Variants in GAA observed in about 807,000 individuals in gnomAD.
GAA encodes lysosomal alpha-glucosidase.
In GAA, 88 loss-of-function variants were observed where a neutral mutation model predicts 103.9. The ratio of observed to expected loss-of-function variants is 0.85; its 90% CI spans 0.71 to 1.01. The LOEUF (loss-of-function observed/expected upper bound fraction) is 1.01. GAA is among the 50% of genes least tolerant of loss of function. The pLI is 0.00. For synonymous variants in GAA, 572 were observed against 563.1 expected (o/e 1.02, Z -0.22); for missense variants, 1,350 against 1,305.3 (o/e 1.03, Z -0.53).
At position 80,107,808 on chromosome 17, in the gene GAA, G is replaced by A. The variant is rs534515557; in HGVS notation, c.867G>A (p.Ala289=). ...WNRDLAPTPG[A]NLYGSHPFYL... ...TCTCCTGCATGTCCCAGCCCGGTGC[G>A]AACCTCTACGGGTCTCACCCTTTCT... The change falls in exon 5 of 20, where the codon GCG becomes GCA. Residue 289 remains alanine, a synonymous_variant. Transcript: ENST00000302262. 55 of 1,611,580 alleles carry A rather than the reference G, an allele frequency of 3.4e-5. No individual in the cohort carries two copies. Among genetic ancestry groups the A allele is most frequent in the South Asian group, 7.7e-5 (7 of 90,942 alleles).
At chr17:80,105,662 A>G in intron 2 of GAA, 87 bp from the exon 3 acceptor site, 2 of 1,505,348 alleles carry the variant, frequency 1.3e-6, no homozygotes, top group East Asian at 2.3e-5. Flanking sequence ...TGGCTGCACC[A>G]GGACCTGACC....
Position 80,105,044 on chromosome 17 carries a change from C to A in GAA, c.458C>A (p.Thr153Asn). The A allele has an allele frequency of 6.2e-7, 1 of 1,612,960 alleles. No individual in the cohort carries two copies. The highest frequency in any genetic ancestry group is 1.1e-5 in the South Asian group (1 of 91,086). ...SSEMGYTATL[T>N]RTTPTFFPKD... is the part of the protein sequence containing the mutation. ...GAAATGGGCTACACGGCCACCCTGA[C>A]CCGTACCACCCCCACCTTCTTCCCC... The change falls in exon 2 of 20, where the codon ACC (threonine) becomes AAC (asparagine). Residue 153 changes from threonine (T) to asparagine (N), a missense_variant. By Grantham distance (65) the Thr-to-Asn change is moderately conservative (BLOSUM62 0). Coordinates refer to ENST00000302262, the MANE Select transcript of GAA (RefSeq NM_000152.5).
At chr17:80,111,935 A>G (rs759787900) in intron 11 of GAA, 48 bp from the exon 12 acceptor site, 4 of 1,535,450 alleles carry the variant, frequency 2.6e-6, no homozygotes, top group Middle Eastern at 3.4e-4. Context: ...GGCACCTTGG[A>G]GCCTGCCGGG....
At chr17:80,112,360 CCT>C in intron 12 of GAA, 1 of 658,032 alleles carries the variant, frequency 1.5e-6, no homozygotes, top group East Asian at 2.7e-5. Flanking sequence ...CCTCATGACT[CCT>C]GTGAGGCTGG....
intron 8 of GAA, among the ~76,000 whole-genome samples, chr17:80,109,425 G>A (rs914185418): frequency 6.6e-6 from 1 of 152,228 alleles, no homozygotes; most frequent in Non-Finnish European, 1.5e-5. Context: ...CCCGAGTCTG[G>A]TGTCCGGCAC....
Position 80,108,627 on chromosome 17 carries a change from G to A in GAA, c.1194+20G>A, listed in dbSNP as rs764197248. On this transcript the variant is annotated intron_variant, in intron 7 of 19. Transcript: ENST00000302262. ...CCCCTGGTGAGTTGGGGTGGTGGCA[G>A]GGGAGGCAAGGGGCTGGCCGGGACG... 3.7e-6 allele frequency: 6 copies of A among 1,612,600 alleles called. No individual in the cohort carries two copies. The highest frequency in any genetic ancestry group is 5.1e-6 in the Non-Finnish European group (6 of 1,179,904).
At chr17:80,116,376 G>A (rs995271474) in intron 15 of GAA, among the ~76,000 whole-genome samples, 7 of 152,136 alleles carry the variant, frequency 4.6e-5, no homozygotes, top group African/African-American at 1.7e-4. Flanking sequence ...AGGCATGAAC[G>A]CTCCATGAAT....
chr17:80,104,226 A>G lies in GAA; in HGVS notation c.-32-329A>G, dbSNP rs948049926. On this transcript the variant is annotated intron_variant, in intron 1 of 19. Coordinates refer to ENST00000302262, the MANE Select transcript of GAA (RefSeq NM_000152.5). This position sits in a 1 kb window ranked among gnomAD's most constrained non-coding sequence, Gnocchi z 4.0. ...TTGCAGTGAGCCAGGATCTCACCAC[A>G]GCACTCTGGCCCAGGCGACAGCTGT... Among the ~76,000 whole-genome samples, 1 of 152,170 alleles carries G rather than the reference A, an allele frequency of 6.6e-6. No individual in the cohort carries two copies. The highest frequency in any genetic ancestry group is 2.4e-5 in the African/African-American group (1 of 41,428).
rs377249041 is a variant in GAA, at chr17:80,118,677, C to T, written c.2671C>T (p.Arg891Cys). 7.9e-5 allele frequency: 128 copies of T among 1,612,824 alleles called. No individual in the cohort carries two copies. Among genetic ancestry groups the T allele is most frequent in the Middle Eastern group, 3.3e-4 (2 of 6,062 alleles). The change falls in exon 19 of 20, where the codon CGT becomes TGT. Residue 891 changes from arginine to cysteine, a missense_variant. Coordinates refer to ENST00000302262, the MANE Select transcript of GAA (RefSeq NM_000152.5). ...RNNTIVNELVRVTSEGAGLQL... is the reference protein window; with the variant it reads ...RNNTIVNELVCVTSEGAGLQL... ...GAACACGATCGTGAATGAGCTGGTACGTGTGACCAGTGAGGGAGCTGGCCT... is the reference window on the plus strand; with the variant it reads ...GAACACGATCGTGAATGAGCTGGTATGTGTGACCAGTGAGGGAGCTGGCCT...
In GAA at chr17:80,118,678, G is replaced by T. The variant is rs199524847; in HGVS notation, c.2672G>T (p.Arg891Leu). Residue 891 changes from arginine to leucine, a missense_variant, in exon 19 of 20, where the codon CGT (arginine) becomes CTT (leucine). Transcript: ENST00000302262. Reference sequence around the variant, plus strand: ...AACACGATCGTGAATGAGCTGGTACGTGTGACCAGTGAGGGAGCTGGCCTG... The same window carrying T: ...AACACGATCGTGAATGAGCTGGTACTTGTGACCAGTGAGGGAGCTGGCCTG... ...RNNTIVNELV[R>L]VTSEGAGLQL... 6.2e-7 allele frequency: 1 copy of T among 1,612,812 alleles called. No individual in the cohort carries two copies. Among genetic ancestry groups the T allele is most frequent in the Middle Eastern group, 1.7e-4 (1 of 6,060 alleles).
Position 80,109,990 on chromosome 17 carries a change from T to C in GAA, c.1372T>C (p.Tyr458His), listed in dbSNP as rs1567832012. ...SSGPAGSYRP[Y>H]DEGLRRGVFI... is the part of the protein sequence containing the mutation. ...GGGCCCTGCCGGGAGCTACAGGCCC[T>C]ACGACGAGGGTCTGCGGAGGGGGGT... The change falls in exon 9 of 20, where the codon TAC becomes CAC. Residue 458 changes from tyrosine to histidine, a missense_variant. Transcript: ENST00000302262. 6.2e-7 allele frequency: 1 copy of C among 1,613,298 alleles called. No individual in the cohort carries two copies. Among genetic ancestry groups the C allele is most frequent in the Admixed American group, 1.7e-5 (1 of 60,016 alleles).
At chr17:80,107,744 G>GGCGGGC (rs2143848303) in intron 4 of GAA, 22 bp downstream of exon 4, 1 of 1,610,206 alleles carries the variant, frequency 6.2e-7, no homozygotes, top group East Asian at 2.2e-5. Context: ...GGCGGCGGGC[G>GGCGGGC]GGGGCACTGA....
Position 80,104,837 on chromosome 17 carries a change from T to G in GAA, c.251T>G (p.Val84Gly), listed in dbSNP as rs1567825763. 6.2e-7 allele frequency: 1 copy of G among 1,611,670 alleles called. No individual in the cohort carries two copies. Among genetic ancestry groups the G allele is most frequent in the Non-Finnish European group, 8.5e-7 (1 of 1,179,664 alleles). Residue 84 changes from valine (V) to glycine (G), a missense_variant, in exon 2 of 20, where the codon GTC (valine) becomes GGC (glycine). By Grantham distance (109) the Val-to-Gly change is moderately radical. Transcript: ENST00000302262. The surrounding 1 kb of genome is among the most constrained non-coding windows in gnomAD (Gnocchi z 4.0). ...AGAGCAGTGCCCACACAGTGCGACG[T>G]CCCCCCCAACAGCCGCTTCGATTGC... ...RPRAVPTQCDVPPNSRFDCAP... is the reference protein window; with the variant it reads ...RPRAVPTQCDGPPNSRFDCAP...
At position 80,104,489 on chromosome 17, in the gene GAA, G is replaced by T. The variant is rs78686444; in HGVS notation, c.-32-66G>T. 6.5e-5 allele frequency: 79 copies of T among 1,220,620 alleles called. No individual in the cohort carries two copies. In the East Asian group the frequency reaches 1.9e-3, roughly 29 times the overall value. 75.6% of individuals were successfully genotyped at this position (1,220,620 alleles called of 1,614,324 possible). On this transcript the variant is annotated intron_variant, in intron 1 of 19. Coordinates refer to ENST00000302262, the MANE Select transcript of GAA (RefSeq NM_000152.5). The surrounding 1 kb of genome is among the most constrained non-coding windows in gnomAD (Gnocchi z 4.0). ...CAGCCGCGGTTGATGTCTCAGAGCT[G>T]CTTTGAGAGCCCCGTGAGTGCCGCC... is the stretch of plus-strand genomic sequence containing the variant.
At position 80,104,910 on chromosome 17, in the gene GAA, T is replaced by C. The variant is rs1800300; in HGVS notation, c.324T>C (p.Cys108=). The stretch of plus-strand genomic sequence containing the variant: ...AGGAACAGTGCGAGGCCCGCGGCTG[T>C]TGCTACATCCCTGCAAAGCAGGGGC... ...ITQEQCEARG[C]CYIPAKQGLQ... The change falls in exon 2 of 20, where the codon TGT becomes TGC. Residue 108 remains cysteine (C), a synonymous_variant. Transcript: ENST00000302262. The surrounding 1 kb of genome is among the most constrained non-coding windows in gnomAD (Gnocchi z 4.0). 0.74 allele frequency: 1,193,991 copies of C among 1,611,816 alleles called. 444,341 individuals are homozygous for C. Among genetic ancestry groups the C allele is most frequent in the Middle Eastern group, 0.82 (4,978 of 6,060 alleles).
In GAA at chr17:80,112,599, G is replaced by C. The variant is rs1317655623; in HGVS notation, c.1776G>C (p.Gly592=). The C allele has an allele frequency of 6.2e-7, 1 of 1,613,006 alleles. No homozygotes were observed. Among genetic ancestry groups the C allele is most frequent in the South Asian group, 1.1e-5 (1 of 91,082 alleles). ...ASHRALVKAR[G]TRPFVISRST... Reference sequence around the variant, plus strand: ...CCAGGGCGCTGGTGAAGGCTCGGGGGACACGCCCATTTGTGATCTCCCGCT... The same window carrying C: ...CCAGGGCGCTGGTGAAGGCTCGGGGCACACGCCCATTTGTGATCTCCCGCT... Residue 592 remains glycine, a synonymous_variant, in exon 13 of 20, where the codon GGG becomes GGC. Transcript: ENST00000302262.
In GAA at chr17:80,104,203, G is replaced by A. The variant is rs879742305; in HGVS notation, c.-32-352G>A. 2.0e-5 allele frequency among the ~76,000 whole-genome samples: 3 copies of A among 152,216 alleles called. No individual in the cohort carries two copies. The highest frequency in any genetic ancestry group is 4.8e-5 in the African/African-American group (2 of 41,458). On this transcript the variant is annotated intron_variant, in intron 1 of 19. Coordinates refer to ENST00000302262, the MANE Select transcript of GAA (RefSeq NM_000152.5). The surrounding 1 kb of genome is among the most constrained non-coding windows in gnomAD (Gnocchi z 4.0). ...TGCTTGAGTCTGGGAGGTGGAGGTTGCAGTGAGCCAGGATCTCACCACAGC... is the reference window on the plus strand; with the variant it reads ...TGCTTGAGTCTGGGAGGTGGAGGTTACAGTGAGCCAGGATCTCACCACAGC...
intron 16 of GAA, 23 bp from the exon 17 acceptor site, chr17:80,117,577 C>T (rs2039383094): frequency 6.2e-7 from 1 of 1,612,718 alleles, no homozygotes; most frequent in African/African-American, 1.3e-5. Context: ...GCCCAGAATC[C>T]TCAAAGCAAC....
chr17:80,108,717 G>A lies in GAA; in HGVS notation c.1215G>A (p.Leu405=). Residue 405 remains leucine (L), a synonymous_variant, in exon 8 of 20, where the codon CTG becomes CTA. Transcript: ENST00000302262. ...TGCAGGACGTCCAGTGGAACGACCT[G>A]GACTACATGGACTCCCGGAGGGACT... ...HFPLDVQWND[L]DYMDSRRDFT... is the part of the protein sequence containing the mutation. The A allele has an allele frequency of 8.7e-6, 14 of 1,612,558 alleles. No individual in the cohort carries two copies. Among genetic ancestry groups the A allele is most frequent in the Non-Finnish European group, 1.2e-5 (14 of 1,179,864 alleles).
Sources: allele counts gnomAD v4.1 joint callset (sites outside exome capture counted in the v4.1 genomes callset), GRCh38; gene constraint gnomAD v4.1.1; non-coding constraint Gnocchi (gnomAD v3.1); transcripts MANE v1.5; gene names NCBI Gene and HGNC (gene_info 2026-07-23, HGNC 2026-07-21).